OLA1: variants seen among roughly 807,000 people sequenced by gnomAD.
OLA1 encodes obg-like ATPase 1.
Under a neutral mutation model 48.4 loss-of-function variants are expected in OLA1, and 14 were observed. That is an observed-to-expected ratio of 0.29 (90% CI 0.19 to 0.45). OLA1 has a LOEUF of 0.45. OLA1 is among the 20% of genes least tolerant of loss of function. The probability of loss-of-function intolerance (pLI) is 1.00; values close to 1 mark genes in which losing one functional copy is unlikely to be tolerated. For synonymous variants in OLA1, 127 were observed against 150.4 expected (o/e 0.84, Z 1.14); for missense variants, 325 against 467.1 (o/e 0.70, Z 2.80).
chr2:174,177,600 A>G (rs537054666), intron 4 of OLA1, among the ~76,000 whole-genome samples: 1 of 152,220 alleles, frequency 6.6e-6, no homozygotes, highest in Admixed American at 6.5e-5. Flanking sequence ...TGTTTCTTAA[A>G]AGTTAGCATA....
rs2105334673 is a variant in OLA1 at position 174,074,058 on chromosome 2, C to G, written c.*1368G>C. On this transcript the variant is annotated 3_prime_UTR_variant, in exon 11 of 11. Transcript: ENST00000284719. ...CCTCTTTAAATATCTTAAGTATAGCCAAATCTTTAAAAAATCACCCCTTTT... is the reference window on the plus strand; with the variant it reads ...CCTCTTTAAATATCTTAAGTATAGCGAAATCTTTAAAAAATCACCCCTTTT... The G allele has an allele frequency of 6.6e-6, 1 of 152,186 alleles. No individual in the cohort carries two copies. Among genetic ancestry groups the G allele is most frequent in the South Asian group, 2.1e-4 (1 of 4,828 alleles). The allele number at this position is 152,186 out of a possible 1,614,324, so 9.4% of individuals were successfully genotyped here. A position where few individuals can be genotyped will look rare whatever the true frequency, so the allele number is the denominator to read the frequency against.
At chr2:174,187,696 G>T (rs1312915285) in intron 4 of OLA1, among the ~76,000 whole-genome samples, 1 of 152,230 alleles carries the variant, frequency 6.6e-6, no homozygotes, top group Non-Finnish European at 1.5e-5. Context: ...ACTAAGTCAT[G>T]TGATCAGGGT....
chr2:174,215,802 T>C (rs140808552), intron 4 of OLA1, among the ~76,000 whole-genome samples: 289 of 152,350 alleles, frequency 1.9e-3, no homozygotes, highest in African/African-American at 6.6e-3. Context: ...TGTACTACCA[T>C]AATTATTTCA....
chr2:174,218,510 G>A (rs981406262), intron 4 of OLA1, among the ~76,000 whole-genome samples: 2 of 152,104 alleles, frequency 1.3e-5, no homozygotes, highest in African/African-American at 4.8e-5. Flanking sequence ...ATAAACTCCC[G>A]TTTATATAGC....
intron 7 of OLA1, among the ~76,000 whole-genome samples, chr2:174,094,800 T>C (rs1436719909): frequency 1.3e-5 from 2 of 152,192 alleles, no homozygotes; most frequent in African/African-American, 2.4e-5. Context: ...TCTATAGCCA[T>C]TGAATAACAC....
intron 3 of OLA1, among the ~76,000 whole-genome samples, chr2:174,225,798 G>A (rs1688603248): frequency 6.6e-6 from 1 of 152,148 alleles, no homozygotes; most frequent in Admixed American, 6.5e-5. Context: ...AACTATAAGT[G>A]TGACCATGAA....
At chr2:174,081,669 C>T (rs1274584963) in intron 8 of OLA1, among the ~76,000 whole-genome samples, 2 of 151,916 alleles carry the variant, frequency 1.3e-5, no homozygotes, top group Admixed American at 6.6e-5. Flanking sequence ...AGAGTTTTGG[C>T]GATCATTCCT....
chr2:174,109,675 C>T (rs1298110407), intron 7 of OLA1, among the ~76,000 whole-genome samples: 1 of 152,042 alleles, frequency 6.6e-6, no homozygotes, highest in Non-Finnish European at 1.5e-5. Flanking sequence ...TGAAGCAGAG[C>T]AAGTTCTATG....
intron 5 of OLA1, among the ~76,000 whole-genome samples, chr2:174,126,345 T>C (rs1574495504): frequency 6.6e-6 from 1 of 152,006 alleles, no homozygotes; most frequent in Non-Finnish European, 1.5e-5. Context: ...GAAAAAAAAA[T>C]TGAATACCCA....
chr2:174,161,681 T>TAC (rs55713860), intron 4 of OLA1, among the ~76,000 whole-genome samples: 1,851 of 141,152 alleles, frequency 0.013, 24 homozygotes, highest in African/African-American at 0.032. Flanking sequence ...AAAAAAAAAA[T>TAC]ACACACACAC....
chr2:174,218,143 A>G (rs1474047108), intron 4 of OLA1, among the ~76,000 whole-genome samples: 2 of 152,156 alleles, frequency 1.3e-5, no homozygotes, highest in African/African-American at 4.8e-5. Context: ...CTGAGTAGCT[A>G]GGATTACCAG....
chr2:174,144,951 AATATATATATAT>A (rs71021672), intron 4 of OLA1, among the ~76,000 whole-genome samples: 19 of 40,292 alleles, frequency 4.7e-4, no homozygotes, highest in Admixed American at 2.7e-3. Context: ...AAAAAAAAAA[AATATATATATAT>A]ATATATATAT....
intron 4 of OLA1, among the ~76,000 whole-genome samples, chr2:174,146,629 G>A (rs1012597009): frequency 3.3e-5 from 5 of 152,200 alleles, no homozygotes; most frequent in African/African-American, 1.2e-4. Flanking sequence ...AACTTGGCAA[G>A]AGACTGAGAA....
At chr2:174,224,373 T>C (rs1400133448) in intron 3 of OLA1, among the ~76,000 whole-genome samples, 1 of 152,154 alleles carries the variant, frequency 6.6e-6, no homozygotes, top group Non-Finnish European at 1.5e-5. Context: ...TACCCCTAAC[T>C]CTAGAAGTGG....
chr2:174,082,234 A>G (rs1369540266), intron 7 of OLA1, among the ~76,000 whole-genome samples, 170 bp from the exon 8 acceptor site: 1 of 152,166 alleles, frequency 6.6e-6, no homozygotes. Context: ...CAACTGCTTC[A>G]GGTATACGCC....
intron 4 of OLA1, among the ~76,000 whole-genome samples, chr2:174,152,847 T>C (rs1023008767): frequency 1.3e-5 from 2 of 152,180 alleles, no homozygotes; most frequent in African/African-American, 4.8e-5. Context: ...TTAAAATAGA[T>C]ATAACAAAGG....
At chr2:174,079,762 C>T (rs564093594) in intron 9 of OLA1, among the ~76,000 whole-genome samples, 5 of 151,908 alleles carry the variant, frequency 3.3e-5, no homozygotes, top group East Asian at 1.9e-4. Context: ...TGAGAAATAA[C>T]GGTGACCTAA....
At chr2:174,135,312 A>C (rs1686284793) in intron 5 of OLA1, among the ~76,000 whole-genome samples, 1 of 152,180 alleles carries the variant, frequency 6.6e-6, no homozygotes, top group Non-Finnish European at 1.5e-5. Flanking sequence ...GGCAAACCCA[A>C]ATCACAAAGA....
intron 2 of OLA1, among the ~76,000 whole-genome samples, chr2:174,238,512 A>G (rs1367776058): frequency 4.9e-4 from 74 of 150,214 alleles, no homozygotes; most frequent in East Asian, 1.2e-3. Flanking sequence ...AAAAAAAAAA[A>G]AGAGAAAAAA....
Sources: gnomAD v4.1 joint callset for allele counts (sites outside exome capture counted in the v4.1 genomes callset) on GRCh38, gnomAD v4.1.1 for gene constraint, MANE v1.5 for transcripts, NCBI Gene and HGNC (gene_info 2026-07-23, HGNC 2026-07-21) for gene names.